SH3GL1: variants seen among roughly 807,000 people sequenced by gnomAD.
The protein encoded by SH3GL1 is endophilin-A2.
In SH3GL1, 21 loss-of-function variants were observed where a neutral mutation model predicts 48.8. The observed-to-expected ratio is 0.43, with a 90% CI of 0.30 to 0.62. SH3GL1 has a LOEUF of 0.62. SH3GL1 is among the 20% of genes least tolerant of loss of function. The pLI, the probability that SH3GL1 is intolerant of heterozygous loss-of-function variation, is 0.11. For missense variants in SH3GL1, 454 were observed against 503.0 expected (o/e 0.90, Z 0.93); for synonymous variants, 282 against 217.5 (o/e 1.30, Z -2.61).
Position 4,361,803 on chromosome 19 carries a change from G to A in SH3GL1, c.911-7C>T, listed in dbSNP as rs765497411. The A allele has an allele frequency of 1.2e-5, 19 of 1,599,180 alleles. No individual in the cohort carries two copies. Among genetic ancestry groups the A allele is most frequent in the Non-Finnish European group, 1.4e-5 (16 of 1,175,294 alleles). The stretch of plus-strand genomic sequence containing the variant: ...CTCGGCTGGTCCAGGGGCGCTGGGG[G>A]CGGGAGCGGGCTGTGGGGCTGGGGC... On this transcript the variant is annotated splice_polypyrimidine_tract_variant and splice_region_variant and intron_variant, in intron 9 of 9. Transcript: ENST00000269886.
chr19:4,386,178 C>A (rs971110838), intron 1 of SH3GL1, among the ~76,000 whole-genome samples: 1 of 152,182 alleles, frequency 6.6e-6, no homozygotes, highest in African/African-American at 2.4e-5. Flanking sequence ...TTCAAACAAT[C>A]GGGACTCTGA....
At chr19:4,361,884 T>G (rs1972626701) in intron 9 of SH3GL1, 88 bp from the exon 10 acceptor site, 1 of 983,156 alleles carries the variant, frequency 1.0e-6, no homozygotes, top group South Asian at 1.4e-5. Flanking sequence ...ACCTGGAGCG[T>G]GTGGGTGGGC....
chr19:4,375,197 C>T (rs765404494), intron 1 of SH3GL1, among the ~76,000 whole-genome samples: 2 of 152,106 alleles, frequency 1.3e-5, no homozygotes, highest in African/African-American at 2.4e-5. Flanking sequence ...AGGACAACCC[C>T]GAGAGGAGTG....
Position 4,400,172 on chromosome 19 carries a change from G to T in SH3GL1, c.45+152C>A. ...GGGCCTGGGCCACCTCGTCGCCCCCGTCCGTCCCTTGGTCTTCCCACCTGG... is the reference window on the plus strand; with the variant it reads ...GGGCCTGGGCCACCTCGTCGCCCCCTTCCGTCCCTTGGTCTTCCCACCTGG... On this transcript the variant is annotated intron_variant, in intron 1 of 9. Coordinates refer to ENST00000269886, the MANE Select transcript of SH3GL1 (RefSeq NM_003025.4). This position sits in a 1 kb window ranked among gnomAD's most constrained non-coding sequence, Gnocchi z 4.1. The T allele has an allele frequency of 2.5e-6, 2 of 809,898 alleles. No homozygotes were observed. The highest frequency in any genetic ancestry group is 3.7e-6 in the Non-Finnish European group (2 of 547,788). 50.2% of individuals were successfully genotyped at this position (809,898 alleles called of 1,614,324 possible).
rs1475916393 is a variant in SH3GL1 at position 4,400,525 on chromosome 19, C to G, written c.-157G>C. The G allele has an allele frequency of 2.3e-6, 1 of 435,012 alleles. No homozygotes were observed. Among genetic ancestry groups the G allele is most frequent in the Non-Finnish European group, 3.1e-6 (1 of 324,756 alleles). 26.9% of individuals were successfully genotyped at this position (435,012 alleles called of 1,614,324 possible). A position where few individuals can be genotyped will look rare whatever the true frequency, so the allele number is the denominator to read the frequency against. On this transcript the variant is annotated 5_prime_UTR_variant, in exon 1 of 10. Transcript: ENST00000269886. The surrounding 1 kb of genome is among the most constrained non-coding windows in gnomAD (Gnocchi z 4.1). ...GCCCCGGCGCCGCCTCAGCCGCTCG[C>G]GCGCCCGCGCGGCCAGGATATTACA... is the stretch of plus-strand genomic sequence containing the variant.
At chr19:4,363,572 G>A in intron 6 of SH3GL1, 99 bp from the exon 7 acceptor site, 14 of 1,446,340 alleles carry the variant, frequency 9.7e-6, no homozygotes, top group Non-Finnish European at 1.3e-5. Flanking sequence ...GGGGCTGAGA[G>A]GGGACAGGGG....
At chr19:4,377,272 C>G (rs893310277) in intron 1 of SH3GL1, among the ~76,000 whole-genome samples, 12 of 152,250 alleles carry the variant, frequency 7.9e-5, no homozygotes, top group Non-Finnish European at 1.5e-4. Context: ...ACGGGAGAGG[C>G]AAGCACTGGA....
rs1973296655 is a variant in SH3GL1 at position 4,389,509 on chromosome 19, C to T, written c.45+10815G>A. ...GCGGGAGGGACTGACTGTGTGAGTT[C>T]CCATGCAGGGGAAGAGTAGCATTTA... On this transcript the variant is annotated intron_variant, in intron 1 of 9. Coordinates refer to ENST00000269886, the MANE Select transcript of SH3GL1 (RefSeq NM_003025.4). This position sits in a 1 kb window ranked among gnomAD's most constrained non-coding sequence, Gnocchi z 4.5. Among the ~76,000 whole-genome samples the T allele has an allele frequency of 6.6e-6, 1 of 152,126 alleles. No individual in the cohort carries two copies. Among genetic ancestry groups the T allele is most frequent in the African/African-American group, 2.4e-5 (1 of 41,412 alleles).
At chr19:4,378,247 C>T (rs182002377) in intron 1 of SH3GL1, among the ~76,000 whole-genome samples, 52 of 152,246 alleles carry the variant, frequency 3.4e-4, no homozygotes, top group South Asian at 1.0e-3. Context: ...AAAGGTGTGC[C>T]GTAACGCCAC....
At chr19:4,362,223 C>T (rs1022995267) in intron 9 of SH3GL1, 106 bp downstream of exon 9, 19 of 1,183,610 alleles carry the variant, frequency 1.6e-5, no homozygotes, top group African/African-American at 3.0e-5. Context: ...ACGAGCCTGG[C>T]CCCTCCCTGC....
chr19:4,363,522 T>C (rs1305927637), intron 6 of SH3GL1, 49 bp from the exon 7 acceptor site: 7 of 1,556,686 alleles, frequency 4.5e-6, no homozygotes, highest in Non-Finnish European at 6.2e-6. Flanking sequence ...CACTGTCCTG[T>C]GCCTTCCCTG....
chr19:4,365,389 C>G (rs550377083), intron 4 of SH3GL1, 93 bp downstream of exon 4: 1 of 1,532,488 alleles, frequency 6.5e-7, no homozygotes, highest in African/African-American at 1.4e-5. Flanking sequence ...ACGTCCCCGG[C>G]ACTCAGCACA....
rs61733019 is a variant in SH3GL1, at chr19:4,365,591, C to T, written c.222G>A (p.Val74=). The T allele has an allele frequency of 2.1e-3, 3,415 of 1,614,164 alleles. 66 individuals carry two copies. In the African/African-American group the frequency reaches 0.038, roughly 18 times the overall value. ...SRAKLTMLNT[V]SKIRGQVKNP... ...TCTTCACCTGGCCCCGGATCTTGGA[C>T]ACCGTGTTGAGCATGGTCAGCTTAG... Residue 74 remains valine (V), a synonymous_variant, in exon 4 of 10, where the codon GTG becomes GTA. Coordinates refer to ENST00000269886, the MANE Select transcript of SH3GL1 (RefSeq NM_003025.4).
Position 4,361,560 on chromosome 19 carries a change from G to A in SH3GL1, c.*40C>T, listed in dbSNP as rs573927089. 1.5e-5 allele frequency: 22 copies of A among 1,472,568 alleles called. No homozygotes were observed. The Admixed American group carries it at 3.8e-4, about 25-fold the overall frequency. 91.2% of individuals were successfully genotyped at this position (1,472,568 alleles called of 1,614,324 possible). A position where few individuals can be genotyped will look rare whatever the true frequency, so the allele number is the denominator to read the frequency against. On this transcript the variant is annotated 3_prime_UTR_variant, in exon 10 of 10. Coordinates refer to ENST00000269886, the MANE Select transcript of SH3GL1 (RefSeq NM_003025.4). ...GCAGGAGACCCAGCAGGGGGTGCCGGCCAGTGTGGACGGAGGGGCGGGGCG... is the reference window on the plus strand; with the variant it reads ...GCAGGAGACCCAGCAGGGGGTGCCGACCAGTGTGGACGGAGGGGCGGGGCG...
chr19:4,397,889 C>T (rs1599626251), intron 1 of SH3GL1, among the ~76,000 whole-genome samples: 1 of 152,172 alleles, frequency 6.6e-6, no homozygotes, highest in East Asian at 1.9e-4. Context: ...CTTTGCTGCC[C>T]AGGCTGAAGT....
chr19:4,374,414 A>C (rs1294251208), intron 1 of SH3GL1, among the ~76,000 whole-genome samples: 1 of 152,184 alleles, frequency 6.6e-6, no homozygotes, highest in Non-Finnish European at 1.5e-5. Context: ...CAGGGCCAGA[A>C]GGACCTCTCC....
At chr19:4,396,827 A>G (rs1973434426) in intron 1 of SH3GL1, among the ~76,000 whole-genome samples, 1 of 152,180 alleles carries the variant, frequency 6.6e-6, no homozygotes, top group South Asian at 2.1e-4. Flanking sequence ...TGTGACAACC[A>G]AAAAGGTCCC....
At chr19:4,373,069 T>C (rs1400837839) in intron 1 of SH3GL1, among the ~76,000 whole-genome samples, 1 of 151,150 alleles carries the variant, frequency 6.6e-6, no homozygotes, top group East Asian at 1.9e-4. Flanking sequence ...AAAGCAGGAG[T>C]AGTCATTCCT....
chr19:4,396,423 C>A (rs1384508997), intron 1 of SH3GL1, among the ~76,000 whole-genome samples: 1 of 152,088 alleles, frequency 6.6e-6, no homozygotes, highest in Non-Finnish European at 1.5e-5. Flanking sequence ...CAAACAAAAA[C>A]AAACTACACA....
Sources: gnomAD v4.1 joint callset for allele counts (sites outside exome capture counted in the v4.1 genomes callset) on GRCh38, gnomAD v4.1.1 for gene constraint, Gnocchi (gnomAD v3.1) non-coding constraint, MANE v1.5 for transcripts, NCBI Gene and HGNC (gene_info 2026-07-23, HGNC 2026-07-21) for gene names.